MYO19: variants seen among roughly 807,000 people sequenced by gnomAD.
MYO19 encodes the protein unconventional myosin-XIX.
In MYO19, 132 loss-of-function variants were observed where a neutral mutation model predicts 129.2. That is an observed-to-expected ratio of 1.02 (90% CI 0.89 to 1.18). MYO19 has a LOEUF of 1.18. MYO19 is among the 50% of genes most tolerant of loss of function. The pLI is 0.00. For synonymous variants in MYO19, 531 were observed against 477.2 expected (o/e 1.11, Z -1.47); for missense variants, 1,210 against 1,216.7 (o/e 0.99, Z 0.08).
At chr17:36,523,606 G>A (rs79748922) in intron 6 of MYO19, among the ~76,000 whole-genome samples, 10,705 of 152,200 alleles carry the variant, frequency 0.07, 633 homozygotes, top group African/African-American at 0.16. Flanking sequence ...TAAAAATTAT[G>A]CAAGAATATA....
intron 5 of MYO19, among the ~76,000 whole-genome samples, chr17:36,525,710 C>T (rs905015620): frequency 6.6e-6 from 1 of 152,080 alleles, no homozygotes. Context: ...GAAATATAAC[C>T]CTATTTTATA....
intron 9 of MYO19, 42 bp downstream of exon 9, chr17:36,514,404 C>T (rs749081388): frequency 2.3e-6 from 3 of 1,310,438 alleles, no homozygotes; most frequent in African/African-American, 2.9e-5. Context: ...GGACCCATCC[C>T]TGTCTCGCAT....
rs1325983877 is a variant in MYO19, at chr17:36,502,457, G to A, written c.2080+640C>T. On this transcript the variant is annotated intron_variant, in intron 21 of 25. Transcript: ENST00000614623. ...CTACATCTAGTCAAGCCCCTACCAA[G>A]ACTGACCAGTTTCTTCCAACAAATA... Among the ~76,000 whole-genome samples the A allele has an allele frequency of 4.6e-5, 7 of 151,996 alleles. No individual in the cohort carries two copies. In the East Asian group the frequency reaches 1.3e-3, roughly 29 times the overall value.
chr17:36,529,410 G>A (rs756136869), intron 3 of MYO19, among the ~76,000 whole-genome samples: 2 of 152,182 alleles, frequency 1.3e-5, no homozygotes, highest in African/African-American at 4.8e-5. Context: ...AGGAAAGACA[G>A]AGTGGGGGTT....
At chr17:36,522,989 G>A (rs1480082836) in intron 6 of MYO19, among the ~76,000 whole-genome samples, 3 of 145,564 alleles carry the variant, frequency 2.1e-5, no homozygotes, top group Admixed American at 6.9e-5. Flanking sequence ...CTGGGCAACA[G>A]AGCAAGACTC....
upstream of MYO19, among the ~76,000 whole-genome samples, chr17:36,544,295 C>T (rs989644422): frequency 1.3e-5 from 2 of 152,236 alleles, no homozygotes; most frequent in Non-Finnish European, 2.9e-5. Context: ...ATTTGCTGTC[C>T]CCTCAGCGGG....
At position 36,522,447 on chromosome 17, in the gene MYO19, T is replaced by C. The variant is rs180862955; in HGVS notation, c.414+2781A>G. Reference sequence around the variant, plus strand: ...ACTGCTTGAACCCAGGAGGCGGAGGTTGCAGTGAGCCGAGATCACACCACC... The same window carrying C: ...ACTGCTTGAACCCAGGAGGCGGAGGCTGCAGTGAGCCGAGATCACACCACC... On this transcript the variant is annotated intron_variant, in intron 6 of 25. Transcript: ENST00000614623. Among the ~76,000 whole-genome samples, 18 of 149,554 alleles carry C rather than the reference T, an allele frequency of 1.2e-4. 1 individual carries two copies. Among genetic ancestry groups the C allele is most frequent in the African/African-American group, 4.4e-4 (18 of 40,470 alleles).
Position 36,513,626 on chromosome 17 carries a change from T to G in MYO19, c.817+3A>C. The G allele has an allele frequency of 6.2e-7, 1 of 1,613,972 alleles. No individual in the cohort carries two copies. The highest frequency in any genetic ancestry group is 1.1e-5 in the South Asian group (1 of 91,084). On this transcript the variant is annotated splice_donor_region_variant and intron_variant, in intron 10 of 25. Coordinates refer to ENST00000614623, the MANE Select transcript of MYO19 (RefSeq NM_001163735.2). ...GCAAGGTGCTGGATGGGGCTCCCCTTACCTTCTAAGCTCCTCTCTGGGTTG... is the reference window on the plus strand; with the variant it reads ...GCAAGGTGCTGGATGGGGCTCCCCTGACCTTCTAAGCTCCTCTCTGGGTTG...
upstream of MYO19, among the ~76,000 whole-genome samples, chr17:36,539,618 T>A (rs1433711729): frequency 1.3e-5 from 2 of 149,658 alleles, no homozygotes; most frequent in East Asian, 2.0e-4. Context: ...AAAAAAAAAA[T>A]AGACTGAATT....
intron 18 of MYO19, among the ~76,000 whole-genome samples, chr17:36,505,823 G>A (rs1467727676): frequency 6.6e-6 from 1 of 152,242 alleles, no homozygotes; most frequent in East Asian, 1.9e-4. Flanking sequence ...CTGCTGCCAT[G>A]TCAGAGCTCA....
chr17:36,539,838 A>C (rs1028480021), upstream of MYO19, among the ~76,000 whole-genome samples: 1 of 152,170 alleles, frequency 6.6e-6, no homozygotes, highest in South Asian at 2.1e-4. Flanking sequence ...TAGGTTGTCA[A>C]GAGTGTCAAA....
rs1208676458 is a variant in MYO19 at position 36,507,462 on chromosome 17, G to A, written c.1404C>T (p.Asp468=). The change falls in exon 16 of 26, where the codon GAC becomes GAT. Residue 468 remains aspartate, a synonymous_variant. Coordinates refer to ENST00000614623, the MANE Select transcript of MYO19 (RefSeq NM_001163735.2). The stretch of plus-strand genomic sequence containing the variant: ...CAATGAGATCCAAACAGGGCTGGTT[G>A]TCCTGGTAGTTGATGAATGACCACT... ...GLEWSFINYQ[D]NQPCLDLIEG... The A allele has an allele frequency of 6.2e-7, 1 of 1,613,592 alleles. No homozygotes were observed. Among genetic ancestry groups the A allele is most frequent in the Non-Finnish European group, 8.5e-7 (1 of 1,179,876 alleles).
At chr17:36,537,614 A>C, upstream of MYO19, 1 of 1,614,188 alleles carries the variant, frequency 6.2e-7, no homozygotes, top group Admixed American at 1.7e-5. Flanking sequence ...ATTTTGGAGT[A>C]GGTGGCTTTG....
At chr17:36,512,401 A>G (rs2072415693) in intron 11 of MYO19, among the ~76,000 whole-genome samples, 1 of 151,656 alleles carries the variant, frequency 6.6e-6, no homozygotes, top group Middle Eastern at 3.4e-3. Flanking sequence ...AAAAAAAAAA[A>G]AAAAAAGAAA....
In MYO19 at chr17:36,495,706, T is replaced by C. The variant is rs762410999; in HGVS notation, c.*545A>G. ...AACGATATCAAGCTTACACTTCATA[T>C]GGAGTTAAACTTGGTCAGTGTTAAT... is the stretch of plus-strand genomic sequence containing the variant. On this transcript the variant is annotated 3_prime_UTR_variant, in exon 26 of 26. Transcript: ENST00000614623. The C allele has an allele frequency of 3.2e-6, 4 of 1,256,584 alleles. No individual in the cohort carries two copies. The highest frequency in any genetic ancestry group is 3.0e-6 in the Non-Finnish European group (3 of 1,002,646). The allele number at this position is 1,256,584 out of a possible 1,614,324, so 77.8% of individuals were successfully genotyped here.
At position 36,507,886 on chromosome 17, in the gene MYO19, T is replaced by TA. The variant is rs776164300; in HGVS notation, c.1269_1270insT (p.Asn424Ter). 7 of 1,612,276 alleles carry TA rather than the reference T, an allele frequency of 4.3e-6. No homozygotes were observed. The highest frequency in any genetic ancestry group is 5.9e-6 in the Non-Finnish European group (7 of 1,179,002). ...TTGATGCACAACTGTTCCAGACTGTTGTCAGGAAATGATTCAAATCCATAC... is the reference window on the plus strand; with the variant it reads ...TTGATGCACAACTGTTCCAGACTGTTAGTCAGGAAATGATTCAAATCCATAC... On this transcript the variant is annotated frameshift_variant, in exon 15 of 26. Transcript: ENST00000614623. LOFTEE classifies it high-confidence loss of function.
chr17:36,537,448 T>G, upstream of MYO19: 4 of 1,614,180 alleles, frequency 2.5e-6, no homozygotes, highest in Non-Finnish European at 3.4e-6. Flanking sequence ...CTTGAAAAAT[T>G]CTTGAACATC....
chr17:36,515,101 A>G lies in MYO19; in HGVS notation c.617+12T>C. The G allele has an allele frequency of 6.2e-7, 1 of 1,600,524 alleles. No individual in the cohort carries two copies. The highest frequency in any genetic ancestry group is 8.5e-7 in the Non-Finnish European group (1 of 1,173,250). ...CCATCCTCCCACTAGCCAGGGCAAC[A>G]GCAGCTATTACCTGTTCAGCTGGAG... is the stretch of plus-strand genomic sequence containing the variant. On this transcript the variant is annotated intron_variant, in intron 8 of 25. Coordinates refer to ENST00000614623, the MANE Select transcript of MYO19 (RefSeq NM_001163735.2).
chr17:36,499,654 C>CTTTTTCTTTTTT (rs1260911885), intron 23 of MYO19: 13 of 73,104 alleles, frequency 1.8e-4, no homozygotes, highest in African/African-American at 7.1e-4. Context: ...TATTCTTTTT[C>CTTTTTCTTTTTT]TTTTTGTTTC....
Sources: allele counts gnomAD v4.1 joint callset (sites outside exome capture counted in the v4.1 genomes callset), GRCh38; gene constraint gnomAD v4.1.1; transcripts MANE v1.5; gene names NCBI Gene and HGNC (gene_info 2026-07-23, HGNC 2026-07-21).